The following PTPRT variants were observed in gnomAD, a reference collection of about 807,000 sequenced individuals.
The protein encoded by PTPRT is protein tyrosine phosphatase receptor type T.
PTPRT carries 56 observed loss-of-function variants against 176.8 expected under a neutral mutation model. The ratio of observed to expected loss-of-function variants is 0.32; its 90% CI spans 0.26 to 0.40. The LOEUF (loss-of-function observed/expected upper bound fraction) is 0.40. Among genes scored for constraint, PTPRT ranks in the 10% least tolerant of loss-of-function variants. The pLI, the probability that PTPRT is intolerant of heterozygous loss-of-function variation, is 1.00. For synonymous variants in PTPRT, 783 were observed against 739.0 expected (o/e 1.06, Z -0.96); for missense variants, 1,540 against 1,908.2 (o/e 0.81, Z 3.60).
At chr20:42,583,178 C>T (rs1200356314) in intron 7 of PTPRT, among the ~76,000 whole-genome samples, 3 of 152,172 alleles carry the variant, frequency 2.0e-5, no homozygotes, top group Non-Finnish European at 2.9e-5. Flanking sequence ...GATCTTGCTC[C>T]TGACCTTGAC....
At chr20:43,094,041 G>A (rs2011999559) in intron 1 of PTPRT, among the ~76,000 whole-genome samples, 1 of 150,536 alleles carries the variant, frequency 6.6e-6, no homozygotes, top group African/African-American at 2.4e-5. Flanking sequence ...CTTTCTTTCA[G>A]ACACTTCATC....
intron 13 of PTPRT, among the ~76,000 whole-genome samples, chr20:42,278,854 C>A (rs1377275783): frequency 6.6e-6 from 1 of 152,086 alleles, no homozygotes; most frequent in Non-Finnish European, 1.5e-5. Flanking sequence ...CTACCCCAAG[C>A]TTCCACATGC....
chr20:42,849,617 C>T (rs2078435190), intron 2 of PTPRT, among the ~76,000 whole-genome samples: 1 of 151,962 alleles, frequency 6.6e-6, no homozygotes, highest in Non-Finnish European at 1.5e-5. Context: ...CCACAACACA[C>T]TCTGTTAGAA....
chr20:42,120,329 T>C (rs1480157932), intron 19 of PTPRT, among the ~76,000 whole-genome samples: 3 of 152,212 alleles, frequency 2.0e-5, no homozygotes, highest in African/African-American at 7.2e-5. Context: ...AAAGTCTTTC[T>C]TGAGCCATGA....
At chr20:42,093,398 G>A (rs3092614) in intron 27 of PTPRT, among the ~76,000 whole-genome samples, 94,246 of 152,000 alleles carry the variant, frequency 0.62, 29,711 homozygotes, top group African/African-American at 0.73. Flanking sequence ...GTTGAATGCA[G>A]AAGTTTGAAT....
At chr20:42,770,140 GAGA>G (rs989390549) in intron 5 of PTPRT, among the ~76,000 whole-genome samples, 7 of 152,248 alleles carry the variant, frequency 4.6e-5, no homozygotes, top group Admixed American at 1.3e-4. Context: ...ATAATTTTTT[GAGA>G]AGGAGTTTCA....
chr20:42,873,642 C>T (rs1319810436), intron 2 of PTPRT, among the ~76,000 whole-genome samples: 2 of 152,150 alleles, frequency 1.3e-5, no homozygotes, highest in African/African-American at 4.8e-5. Context: ...AACATGTAAT[C>T]AACATAAACA....
chr20:42,917,520 G>C (rs1978852892), intron 1 of PTPRT, among the ~76,000 whole-genome samples: 1 of 152,104 alleles, frequency 6.6e-6, no homozygotes, highest in Non-Finnish European at 1.5e-5. Flanking sequence ...TAGCTTCATG[G>C]GGATGGCATT....
At chr20:42,466,781 T>A (rs1411991013) in intron 8 of PTPRT, among the ~76,000 whole-genome samples, 1 of 152,116 alleles carries the variant, frequency 6.6e-6, no homozygotes, top group Non-Finnish European at 1.5e-5. Flanking sequence ...ACCTAAGATG[T>A]ATATCTTAGT....
chr20:42,839,312 T>G (rs8116034), intron 2 of PTPRT, among the ~76,000 whole-genome samples: 10,581 of 151,742 alleles, frequency 0.07, 358 homozygotes, highest in East Asian at 0.11. Flanking sequence ...ACTCTGTTTT[T>G]TTTTTTTTTT....
At chr20:42,909,762 G>C (rs1223036574) in intron 1 of PTPRT, among the ~76,000 whole-genome samples, 1 of 152,098 alleles carries the variant, frequency 6.6e-6, no homozygotes, top group Non-Finnish European at 1.5e-5. Flanking sequence ...AGATGGGCTG[G>C]GCCTTGGGGG....
intron 7 of PTPRT, among the ~76,000 whole-genome samples, chr20:42,505,521 T>C (rs1601148599): frequency 6.6e-6 from 1 of 152,094 alleles, no homozygotes; most frequent in East Asian, 1.9e-4. Flanking sequence ...AGGCTGGTTT[T>C]GAATTCCTTA....
intron 1 of PTPRT, among the ~76,000 whole-genome samples, chr20:43,182,791 T>C (rs2015294317): frequency 6.6e-6 from 1 of 152,020 alleles, no homozygotes; most frequent in Non-Finnish European, 1.5e-5. Flanking sequence ...GAGACAAAGC[T>C]GGTGCTGAGC....
intron 7 of PTPRT, among the ~76,000 whole-genome samples, chr20:42,519,005 C>T (rs971545090): frequency 6.6e-6 from 1 of 152,038 alleles, no homozygotes; most frequent in Admixed American, 6.6e-5. Flanking sequence ...CCCATTTTAA[C>T]ATCTTCCAAA....
intron 7 of PTPRT, among the ~76,000 whole-genome samples, chr20:42,503,186 A>G (rs1249165694): frequency 4.0e-5 from 6 of 151,838 alleles, no homozygotes; most frequent in African/African-American, 1.5e-4. Flanking sequence ...TCATTGATGT[A>G]TTCTCTAATA....
chr20:42,695,284 T>C (rs1404992557), intron 6 of PTPRT, among the ~76,000 whole-genome samples: 1 of 152,228 alleles, frequency 6.6e-6, no homozygotes, highest in African/African-American at 2.4e-5. Flanking sequence ...ATGTCAGGTC[T>C]GTATTAACTT....
At chr20:42,786,809 A>C (rs528860502) in intron 3 of PTPRT, among the ~76,000 whole-genome samples, 42 of 152,310 alleles carry the variant, frequency 2.8e-4, no homozygotes, top group Non-Finnish European at 5.7e-4. Flanking sequence ...TTATGTCTAC[A>C]GTCAATGATA....
intron 7 of PTPRT, among the ~76,000 whole-genome samples, chr20:42,567,227 G>A (rs983887945): frequency 2.0e-5 from 3 of 151,514 alleles, no homozygotes; most frequent in African/African-American, 7.3e-5. Context: ...GAACCAAGAT[G>A]GTGCCAATGT....
At chr20:42,377,360 G>A (rs929933551) in intron 9 of PTPRT, among the ~76,000 whole-genome samples, 7 of 152,176 alleles carry the variant, frequency 4.6e-5, no homozygotes, top group African/African-American at 1.7e-4. Context: ...TGCCCAAAAC[G>A]TGGTGGTCCC....
Sources: allele counts gnomAD v4.1 joint callset (sites outside exome capture counted in the v4.1 genomes callset), GRCh38; gene constraint gnomAD v4.1.1; transcripts MANE v1.5; gene names NCBI Gene and HGNC (gene_info 2026-07-23, HGNC 2026-07-21).